GANC: variants seen among roughly 807,000 people sequenced by gnomAD.
GANC encodes the protein neutral alpha-glucosidase C.
In GANC, 117 loss-of-function variants were observed where a neutral mutation model predicts 124.2. The ratio of observed to expected loss-of-function variants is 0.94; its 90% CI spans 0.81 to 1.10. The LOEUF is 1.10. Ranked by LOEUF, GANC falls within the 50% of genes least tolerant of loss-of-function variation. The pLI, the probability that GANC is intolerant of heterozygous loss-of-function variation, is 0.00. For synonymous variants in GANC, 377 were observed against 376.8 expected (o/e 1.00, Z -0.01); for missense variants, 1,140 against 1,095.0 (o/e 1.04, Z -0.58).
At chr15:42,349,286 CAAACTT>C in intron 21 of GANC, 91 bp from the exon 22 acceptor site, 1 of 778,828 alleles carries the variant, frequency 1.3e-6, no homozygotes, top group South Asian at 1.6e-5. Flanking sequence ...GAATTTTTCA[CAAACTT>C]TTTACTCTGT....
At chr15:42,276,232 G>T in intron 1 of GANC, 116 bp from the exon 2 acceptor site, 1 of 620,522 alleles carries the variant, frequency 1.6e-6, no homozygotes. Context: ...ATTTTGCATT[G>T]CAGAATAGAC....
At chr15:42,339,050 C>T (rs963176757) in intron 16 of GANC, among the ~76,000 whole-genome samples, 2 of 152,148 alleles carry the variant, frequency 1.3e-5, no homozygotes, top group African/African-American at 4.8e-5. Flanking sequence ...AAGATGGCTG[C>T]AGTTCCAGCT....
intron 23 of GANC, 129 bp from the exon 24 acceptor site, chr15:42,351,901 A>G: frequency 1.7e-6 from 2 of 1,147,804 alleles, no homozygotes; most frequent in Middle Eastern, 4.5e-4. Context: ...CATGGGTAAA[A>G]GTGCTATTAA....
chr15:42,302,539 G>A (rs2051956121), intron 6 of GANC, among the ~76,000 whole-genome samples: 1 of 152,110 alleles, frequency 6.6e-6, no homozygotes, highest in Admixed American at 6.5e-5. Flanking sequence ...CAGAAGGTGG[G>A]TAATAACAAA....
At chr15:42,288,688 T>A (rs1310278573) in intron 4 of GANC, among the ~76,000 whole-genome samples, 1 of 152,188 alleles carries the variant, frequency 6.6e-6, no homozygotes, top group Non-Finnish European at 1.5e-5. Flanking sequence ...TTTTTTTTAA[T>A]TTAATTTTTT....
intron 4 of GANC, among the ~76,000 whole-genome samples, chr15:42,288,649 A>C (rs2051814386): frequency 6.6e-6 from 1 of 152,178 alleles, no homozygotes; most frequent in Non-Finnish European, 1.5e-5. Context: ...ACTGAGCCAC[A>C]CTATATGCCA....
chr15:42,320,735 C>T (rs763539685), intron 10 of GANC, among the ~76,000 whole-genome samples: 66 of 152,316 alleles, frequency 4.3e-4, no homozygotes, highest in Non-Finnish European at 8.1e-4. Flanking sequence ...AGGTGTGAGC[C>T]ACCACACCTG....
intron 6 of GANC, among the ~76,000 whole-genome samples, chr15:42,298,069 G>A (rs76936537): frequency 0.014 from 2,123 of 152,230 alleles, 32 homozygotes; most frequent in Middle Eastern, 0.041. Context: ...GCCAAGATGA[G>A]GGTCAGGAAA....
chr15:42,297,480 A>G, intron 5 of GANC, 131 bp from the exon 6 acceptor site: 1 of 565,166 alleles, frequency 1.8e-6, no homozygotes, highest in Non-Finnish European at 3.1e-6. Flanking sequence ...TATTTTTATA[A>G]TGATGTTATA....
chr15:42,327,234 T>C, intron 12 of GANC, 129 bp from the exon 13 acceptor site: 1 of 649,756 alleles, frequency 1.5e-6, no homozygotes, highest in South Asian at 2.2e-5. Flanking sequence ...ACCATGCCTC[T>C]GTCAGCCAAC....
chr15:42,341,640 T>C (rs1410422065), intron 18 of GANC, among the ~76,000 whole-genome samples: 1 of 152,010 alleles, frequency 6.6e-6, no homozygotes, highest in Admixed American at 6.6e-5. Context: ...CTTGGCTCAC[T>C]GCAACCTCTG....
intron 4 of GANC, among the ~76,000 whole-genome samples, 192 bp from the exon 5 acceptor site, chr15:42,292,543 T>C (rs1359535854): frequency 6.6e-6 from 1 of 152,230 alleles, no homozygotes; most frequent in African/African-American, 2.4e-5. Context: ...TTATAACGTA[T>C]ATGATAGAGT....
chr15:42,307,517 C>T lies in GANC; in HGVS notation c.626-705C>T, dbSNP rs1405469600. ...CCCGGCCATGTCATAATCTTTTTCACCTTCTCTGTAGCATCCCTTTTCCAC... is the reference window on the plus strand; with the variant it reads ...CCCGGCCATGTCATAATCTTTTTCATCTTCTCTGTAGCATCCCTTTTCCAC... On this transcript the variant is annotated intron_variant, in intron 7 of 23. Transcript: ENST00000318010. 2.0e-5 allele frequency among the ~76,000 whole-genome samples: 3 copies of T among 152,040 alleles called. No homozygotes were observed. In the East Asian group the frequency reaches 5.8e-4, roughly 29 times the overall value.
intron 8 of GANC, among the ~76,000 whole-genome samples, chr15:42,308,619 G>C (rs1236789923): frequency 6.6e-6 from 1 of 152,138 alleles, no homozygotes; most frequent in Non-Finnish European, 1.5e-5. Context: ...GAGTAGCTGA[G>C]ACTACAGGCA....
chr15:42,287,836 G>T lies in GANC; in HGVS notation c.329+18G>T, dbSNP rs1253356419. 16 of 1,595,402 alleles carry T rather than the reference G, an allele frequency of 1.0e-5. No individual in the cohort carries two copies. The highest frequency in any genetic ancestry group is 1.4e-5 in the Non-Finnish European group (16 of 1,174,858). On this transcript the variant is annotated intron_variant, in intron 4 of 23. Coordinates refer to ENST00000318010, the MANE Select transcript of GANC (RefSeq NM_198141.3). ...ACTGTAAGGTAAGCCAAGGAGCGAGGTATTTTAGAGACACGCTTGATATAT... is the reference window on the plus strand; with the variant it reads ...ACTGTAAGGTAAGCCAAGGAGCGAGTTATTTTAGAGACACGCTTGATATAT...
In GANC at chr15:42,339,903, C is replaced by G. The variant is rs770360915; in HGVS notation, c.2078C>G (p.Pro693Arg). 1.9e-5 allele frequency: 30 copies of G among 1,613,498 alleles called. No homozygotes were observed. Among genetic ancestry groups the G allele is most frequent in the Non-Finnish European group, 2.5e-5 (30 of 1,179,606 alleles). ...TACCATGCACACGTGGCTTCCCAAC[C>G]TGTCATGAGGTAAAAAAGCTTCATC... Reference protein sequence around the residue: ...LFYHAHVASQPVMRPLWVEFP... With the variant: ...LFYHAHVASQRVMRPLWVEFP... The change falls in exon 17 of 24, where the codon CCT (proline) becomes CGT (arginine). Residue 693 changes from proline (P) to arginine (R), a missense_variant. By Grantham distance (103) the Pro-to-Arg change is moderately radical (BLOSUM62 -2). Coordinates refer to ENST00000318010, the MANE Select transcript of GANC (RefSeq NM_198141.3).
At chr15:42,351,844 G>A (rs948568395) in intron 23 of GANC, among the ~76,000 whole-genome samples, 186 bp from the exon 24 acceptor site, 18 of 152,080 alleles carry the variant, frequency 1.2e-4, no homozygotes, top group South Asian at 4.1e-4. Context: ...CCAATCTTGC[G>A]GTCAAAACAA....
intron 22 of GANC, among the ~76,000 whole-genome samples, chr15:42,350,309 C>T (rs756368283): frequency 9.9e-5 from 15 of 151,756 alleles, no homozygotes; most frequent in Non-Finnish European, 1.9e-4. Flanking sequence ...GGATTACAGG[C>T]GTGAGCCACT....
chr15:42,315,596 A>G (rs1232360287), intron 10 of GANC, among the ~76,000 whole-genome samples: 1 of 152,244 alleles, frequency 6.6e-6, no homozygotes, highest in Non-Finnish European at 1.5e-5. Context: ...AAAGTTAAAC[A>G]TAGAATTACC....
Sources: gnomAD v4.1 joint callset for allele counts (sites outside exome capture counted in the v4.1 genomes callset) on GRCh38, gnomAD v4.1.1 for gene constraint, MANE v1.5 for transcripts, NCBI Gene and HGNC (gene_info 2026-07-23, HGNC 2026-07-21) for gene names.